The following TP53BP1 variants were observed in gnomAD, a reference collection of about 807,000 sequenced individuals.
The protein encoded by TP53BP1 is tumor protein p53 binding protein 1.
Under a neutral mutation model 200.8 loss-of-function variants are expected in TP53BP1, and 61 were observed. The ratio of observed to expected loss-of-function variants is 0.30; its 90% CI spans 0.25 to 0.38. The LOEUF is 0.38. Among genes scored for constraint, TP53BP1 ranks in the 10% least tolerant of loss-of-function variants. The pLI, the probability that TP53BP1 is intolerant of heterozygous loss-of-function variation, is 1.00. For synonymous variants in TP53BP1, 822 were observed against 844.3 expected, an observed-to-expected ratio of 0.97 and a Z score of 0.46; for missense variants, 2,144 against 2,371.9, an observed-to-expected ratio of 0.90 and a Z score of 2.00.
intron 21 of TP53BP1, among the ~76,000 whole-genome samples, chr15:43,417,904 G>A (rs537496509): frequency 1.3e-5 from 2 of 152,298 alleles, no homozygotes; most frequent in East Asian, 3.9e-4. Flanking sequence ...TTCCAGCCGG[G>A]AGCAGTGGCT....
chr15:43,507,865 C>T (rs1332137337), intron 1 of TP53BP1, among the ~76,000 whole-genome samples: 1 of 152,072 alleles, frequency 6.6e-6, no homozygotes, highest in East Asian at 1.9e-4. Context: ...CAGGCACACA[C>T]CACCACACCC....
chr15:43,480,022 G>A lies in TP53BP1; in HGVS notation c.500-5C>T. 1 of 1,613,558 alleles carries A rather than the reference G, an allele frequency of 6.2e-7. No homozygotes were observed. Among genetic ancestry groups the A allele is most frequent in the Non-Finnish European group, 8.5e-7 (1 of 1,179,742 alleles). On this transcript the variant is annotated splice_polypyrimidine_tract_variant and splice_region_variant and intron_variant, in intron 5 of 27. Transcript: ENST00000382044. Reference sequence around the variant, plus strand: ...CCAACTGTGATGAGGCAGTATCTAGGAACAAAATGCCAAGAAATTAGGTAT... The same window carrying A: ...CCAACTGTGATGAGGCAGTATCTAGAAACAAAATGCCAAGAAATTAGGTAT...
At chr15:43,411,909 G>C (rs908280221) in intron 24 of TP53BP1, among the ~76,000 whole-genome samples, 6 of 151,966 alleles carry the variant, frequency 3.9e-5, no homozygotes, top group African/African-American at 1.5e-4. Context: ...TTCAAGTCCA[G>C]CAATATTGTA....
intron 11 of TP53BP1, among the ~76,000 whole-genome samples, chr15:43,466,296 GA>G (rs1279321619): frequency 6.6e-6 from 1 of 152,158 alleles, no homozygotes; most frequent in East Asian, 1.9e-4. Flanking sequence ...CCAAAAAGAT[GA>G]AACAGAAAGT....
chr15:43,412,385 G>A (rs1207704486), intron 24 of TP53BP1, among the ~76,000 whole-genome samples: 1 of 152,096 alleles, frequency 6.6e-6, no homozygotes, highest in Non-Finnish European at 1.5e-5. Flanking sequence ...TGGACCTTTA[G>A]CCTTTACAGA....
intron 16 of TP53BP1, among the ~76,000 whole-genome samples, chr15:43,437,638 A>C (rs1717119221): frequency 6.6e-6 from 1 of 152,236 alleles, no homozygotes; most frequent in East Asian, 1.9e-4. Context: ...AAATACATTT[A>C]TGAAGTCAGT....
At chr15:43,425,064 G>A (rs1458085336) in intron 18 of TP53BP1, among the ~76,000 whole-genome samples, 3 of 152,122 alleles carry the variant, frequency 2.0e-5, no homozygotes, top group Non-Finnish European at 4.4e-5. Context: ...ACCCTGTGTT[G>A]CCTCGGGACT....
Position 43,432,671 on chromosome 15 carries a change from G to GA in TP53BP1, c.3197_3198insT (p.Leu1068AlafsTer18). ...CTTGAGAACTTGGAAAGTGGAGCAA[G>GA]TTCCCCCTGAAAATGCAACATATAA... On this transcript the variant is annotated frameshift_variant, in exon 17 of 28. Coordinates refer to ENST00000382044, the MANE Select transcript of TP53BP1 (RefSeq NM_001141980.3). 1 of 1,600,186 alleles carries GA rather than the reference G, an allele frequency of 6.2e-7. No homozygotes were observed. The highest frequency in any genetic ancestry group is 1.1e-5 in the South Asian group (1 of 90,098).
chr15:43,453,619 C>T (rs2046224616), intron 12 of TP53BP1, among the ~76,000 whole-genome samples: 1 of 151,344 alleles, frequency 6.6e-6, no homozygotes, highest in Admixed American at 6.6e-5. Context: ...ATTCTGTCAC[C>T]TAAGCTGGAG....
rs147404396 is a variant in TP53BP1 at position 43,503,095 on chromosome 15, A to G, written c.-9+7275T>C. Among the ~76,000 whole-genome samples the G allele has an allele frequency of 2.9e-3, 440 of 152,330 alleles. 2 individuals are homozygous for G. The highest frequency in any genetic ancestry group is 1.0e-2 in the African/African-American group (414 of 41,578). On this transcript the variant is annotated intron_variant, in intron 1 of 27. Transcript: ENST00000263801. ...TCAACTTTATATATCATTTATGTAC[A>G]ATTAAAATTGGGCCCATTTTAAGTG... is the stretch of plus-strand genomic sequence containing the variant.
rs1188372345 is a variant in TP53BP1, at chr15:43,480,997, C to G, written c.397G>C (p.Ala133Pro). 20 of 1,613,926 alleles carry G rather than the reference C, an allele frequency of 1.2e-5. No individual in the cohort carries two copies. The highest frequency in any genetic ancestry group is 1.6e-5 in the Non-Finnish European group (19 of 1,179,964). Reference protein sequence around the residue: ...SSVLGMSVESAPAVEEEKGEE... With the variant: ...SSVLGMSVESPPAVEEEKGEE... ...CCCTTCTCTTCCTCCACAGCAGGAGCAGATTCCACTGACATTCCCAGAACA... is the reference window on the plus strand; with the variant it reads ...CCCTTCTCTTCCTCCACAGCAGGAGGAGATTCCACTGACATTCCCAGAACA... The change falls in exon 5 of 28, where the codon GCT becomes CCT. Residue 133 changes from alanine (A) to proline (P), a missense_variant. Ala to Pro is a conservative substitution (Grantham distance 27). Transcript: ENST00000382044.
intron 12 of TP53BP1, among the ~76,000 whole-genome samples, chr15:43,455,091 A>G (rs771113001): frequency 5.9e-5 from 9 of 152,232 alleles, no homozygotes; most frequent in Admixed American, 1.3e-4. Context: ...ATAAAGAACA[A>G]GAACTAATAC....
rs987935482 is a variant in TP53BP1, at chr15:43,445,317, C to G, written c.3040+1070G>C. Reference sequence around the variant, plus strand: ...AAAGTATATTTCCAGACACATCTTACTAAACTTGCTCCTGTGCCTGACATG... The same window carrying G: ...AAAGTATATTTCCAGACACATCTTAGTAAACTTGCTCCTGTGCCTGACATG... On this transcript the variant is annotated intron_variant, in intron 14 of 27. Transcript: ENST00000382044. 5.3e-5 allele frequency among the ~76,000 whole-genome samples: 8 copies of G among 152,152 alleles called. 1 individual carries two copies. The highest frequency in any genetic ancestry group is 5.2e-4 in the Admixed American group (8 of 15,288).
At position 43,473,650 on chromosome 15, in the gene TP53BP1, T is replaced by C. The variant is rs557696602; in HGVS notation, c.1180+1023A>G. Among the ~76,000 whole-genome samples, 9 of 150,352 alleles carry C rather than the reference T, an allele frequency of 6.0e-5. No homozygotes were observed. In the South Asian group the frequency reaches 6.2e-4, roughly 10 times the overall value. ...AGAGCAGCCAGATACAGAGTGTGGA[T>C]TGGTGCATTCACAAACTCAGAGCTA... On this transcript the variant is annotated intron_variant, in intron 10 of 27. Transcript: ENST00000382044.
chr15:43,509,711 T>C (rs910811512), intron 1 of TP53BP1, among the ~76,000 whole-genome samples: 3 of 152,146 alleles, frequency 2.0e-5, no homozygotes, highest in Non-Finnish European at 2.9e-5. Context: ...GCCCGGCCGC[T>C]GTGAAGTATT....
intron 21 of TP53BP1, among the ~76,000 whole-genome samples, chr15:43,420,090 TA>T (rs1287248010): frequency 6.6e-6 from 1 of 152,216 alleles, no homozygotes; most frequent in Non-Finnish European, 1.5e-5. Context: ...AAATTTTCTG[TA>T]AATCATCTAA....
intron 4 of TP53BP1, among the ~76,000 whole-genome samples, chr15:43,483,915 C>T (rs894881608): frequency 2.6e-5 from 4 of 152,206 alleles, no homozygotes; most frequent in African/African-American, 9.7e-5. Context: ...TAGCTACATT[C>T]ACCCACTTAA....
chr15:43,507,739 TTGAGA>T (rs1385884770), intron 1 of TP53BP1, among the ~76,000 whole-genome samples: 1 of 152,100 alleles, frequency 6.6e-6, no homozygotes, highest in Admixed American at 6.5e-5. Context: ...TTTTTTCTGT[TTGAGA>T]TAAGAGGCTT....
intron 4 of TP53BP1, 144 bp from the exon 5 acceptor site, chr15:43,481,166 A>G (rs2078959349): frequency 1.2e-6 from 1 of 838,186 alleles, no homozygotes; most frequent in Non-Finnish European, 1.8e-6. Context: ...GCTTCTTTCT[A>G]CAAAAAGCAC....
Sources: gnomAD v4.1 joint callset for allele counts (sites outside exome capture counted in the v4.1 genomes callset) on GRCh38, gnomAD v4.1.1 for gene constraint, MANE v1.5 for transcripts, NCBI Gene and HGNC (gene_info 2026-07-23, HGNC 2026-07-21) for gene names.